The following MACROD2 variants were observed in gnomAD, a reference collection of about 807,000 sequenced individuals.
MACROD2 encodes mono-ADP ribosylhydrolase 2.
MACROD2 carries 36 observed loss-of-function variants against 70.4 expected under a neutral mutation model. That is an observed-to-expected ratio of 0.51 (90% CI 0.39 to 0.68). The LOEUF (loss-of-function observed/expected upper bound fraction) is 0.68. Ranked by LOEUF, MACROD2 falls within the 30% of genes least tolerant of loss-of-function variation. MACROD2 has a pLI of 0.00. For synonymous variants in MACROD2, 172 were observed against 178.8 expected, an observed-to-expected ratio of 0.96 and a Z score of 0.30; for missense variants, 496 against 538.4, an observed-to-expected ratio of 0.92 and a Z score of 0.78.
intron 6 of MACROD2, among the ~76,000 whole-genome samples, chr20:15,330,477 CA>C (rs1224056406): frequency 1.3e-5 from 2 of 151,460 alleles, no homozygotes; most frequent in Admixed American, 1.3e-4. Flanking sequence ...AACTGAGCCC[CA>C]ATCAAGGTGT....
intron 8 of MACROD2, among the ~76,000 whole-genome samples, chr20:15,722,945 C>T (rs1234407780): frequency 6.6e-6 from 1 of 151,962 alleles, no homozygotes; most frequent in African/African-American, 2.4e-5. Flanking sequence ...TATTAATATC[C>T]AGTTGTCCCA....
At chr20:15,589,374 A>T (rs1267934183) in intron 8 of MACROD2, among the ~76,000 whole-genome samples, 1 of 152,204 alleles carries the variant, frequency 6.6e-6, no homozygotes, top group African/African-American at 2.4e-5. Context: ...TTAATAATAA[A>T]AACTTTTTAG....
Position 15,020,983 on chromosome 20 carries a change from T to C in MACROD2, c.419-208957T>C, listed in dbSNP as rs1301309384. ...TGTAATGTGTGTATACATATACACATGTGTGTATATGTATATGCATACACA... is the reference window on the plus strand; with the variant it reads ...TGTAATGTGTGTATACATATACACACGTGTGTATATGTATATGCATACACA... On this transcript the variant is annotated intron_variant, in intron 5 of 17. Coordinates refer to ENST00000684519, the MANE Select transcript of MACROD2 (RefSeq NM_001351661.2). Among the ~76,000 whole-genome samples, 7 of 148,708 alleles carry C rather than the reference T, an allele frequency of 4.7e-5. No individual in the cohort carries two copies. The East Asian group carries it at 1.4e-3, about 30-fold the overall frequency.
intron 8 of MACROD2, among the ~76,000 whole-genome samples, chr20:15,570,516 G>T (rs1473302948): frequency 6.6e-6 from 1 of 152,148 alleles, no homozygotes. Context: ...AGCAAGAAAA[G>T]AAATTGATTG....
intron 4 of MACROD2, among the ~76,000 whole-genome samples, chr20:14,557,211 T>C (rs1979091663): frequency 1.3e-5 from 2 of 151,898 alleles, no homozygotes; most frequent in African/African-American, 4.8e-5. Flanking sequence ...TTACACCATA[T>C]ATAAAAATTA....
At chr20:15,443,149 A>G (rs2046517968) in intron 7 of MACROD2, among the ~76,000 whole-genome samples, 1 of 152,092 alleles carries the variant, frequency 6.6e-6, no homozygotes, top group Non-Finnish European at 1.5e-5. Context: ...ATCAATCGCA[A>G]TTTGTTTCTG....
At chr20:14,728,183 T>C (rs1009213995) in intron 5 of MACROD2, among the ~76,000 whole-genome samples, 4 of 152,184 alleles carry the variant, frequency 2.6e-5, no homozygotes, top group African/African-American at 9.7e-5. Context: ...TGAAGTATTC[T>C]GTTAATTTAA....
intron 5 of MACROD2, among the ~76,000 whole-genome samples, chr20:15,168,620 T>C (rs984820599): frequency 1.8e-4 from 28 of 152,224 alleles, no homozygotes; most frequent in African/African-American, 6.3e-4. Flanking sequence ...AAACAACTGC[T>C]ATGTCCATTG....
chr20:14,688,195 G>A (rs1018892046), intron 5 of MACROD2, among the ~76,000 whole-genome samples: 28 of 152,104 alleles, frequency 1.8e-4, no homozygotes, highest in African/African-American at 5.6e-4. Flanking sequence ...CTGAGACAGC[G>A]GGTTTATCAT....
intron 4 of MACROD2, among the ~76,000 whole-genome samples, chr20:14,644,644 C>A (rs553271804): frequency 6.6e-6 from 1 of 152,252 alleles, no homozygotes; most frequent in East Asian, 1.9e-4. Context: ...AATTAATGAA[C>A]TATCTTGAAA....
At chr20:15,746,319 A>AT (rs1325149937) in intron 8 of MACROD2, among the ~76,000 whole-genome samples, 1 of 151,858 alleles carries the variant, frequency 6.6e-6, no homozygotes, top group Non-Finnish European at 1.5e-5. Context: ...AATATCTGTT[A>AT]TTTTTATGTA....
intron 7 of MACROD2, among the ~76,000 whole-genome samples, chr20:15,486,129 T>C (rs537378432): frequency 2.4e-4 from 36 of 152,156 alleles, no homozygotes; most frequent in Admixed American, 1.2e-3. Context: ...TGAAATCTGT[T>C]CATCTACTAT....
chr20:15,529,630 A>C (rs986416167), intron 8 of MACROD2, among the ~76,000 whole-genome samples: 1 of 152,188 alleles, frequency 6.6e-6, no homozygotes, highest in South Asian at 2.1e-4. Context: ...TGAATTGAAA[A>C]AAAAATCTCT....
chr20:14,127,610 CAA>C (rs758515659), intron 3 of MACROD2: 59 of 446,044 alleles, frequency 1.3e-4, no homozygotes, highest in Non-Finnish European at 2.2e-4. Context: ...TGAATTGAAA[CAA>C]GAGCTAATTC....
At chr20:15,359,831 C>T (rs7271560) in intron 6 of MACROD2, among the ~76,000 whole-genome samples, 1,955 of 152,186 alleles carry the variant, frequency 0.013, 40 homozygotes, top group African/African-American at 0.044. Flanking sequence ...ATTCATTTTG[C>T]GTAACTAGGT....
intron 5 of MACROD2, among the ~76,000 whole-genome samples, chr20:14,730,618 T>A (rs6105315): frequency 0.011 from 1,643 of 152,246 alleles, 26 homozygotes; most frequent in African/African-American, 0.038. Context: ...CAGAAGGAAT[T>A]TCTACGTTAT....
chr20:14,159,070 C>CAA (rs1316094550), intron 3 of MACROD2, among the ~76,000 whole-genome samples: 1 of 152,066 alleles, frequency 6.6e-6, no homozygotes, highest in Non-Finnish European at 1.5e-5. Context: ...AACTCCATCT[C>CAA]TACTAAAAAT....
At chr20:14,530,901 A>G (rs989378055) in intron 4 of MACROD2, among the ~76,000 whole-genome samples, 23 of 152,254 alleles carry the variant, frequency 1.5e-4, no homozygotes, top group African/African-American at 5.3e-4. Flanking sequence ...CTAGAGACAT[A>G]AACTTGCGCA....
At chr20:14,895,812 A>G (rs1246291203) in intron 5 of MACROD2, among the ~76,000 whole-genome samples, 1 of 152,198 alleles carries the variant, frequency 6.6e-6, no homozygotes, top group Non-Finnish European at 1.5e-5. Flanking sequence ...TGAGATTTTT[A>G]TAATTAAATT....
Sources: allele counts gnomAD v4.1 joint callset (sites outside exome capture counted in the v4.1 genomes callset), GRCh38; gene constraint gnomAD v4.1.1; transcripts MANE v1.5; gene names NCBI Gene and HGNC (gene_info 2026-07-23, HGNC 2026-07-21).